The following BAHCC1 variants were observed in gnomAD, a reference collection of about 807,000 sequenced individuals.
The protein encoded by BAHCC1 is BAH domain and coiled-coil containing 1, also known as BAH and coiled-coil domain-containing protein 1.
Under a neutral mutation model 88.2 loss-of-function variants are expected in BAHCC1, and 43 were observed. The observed-to-expected ratio is 0.49, with a 90% CI of 0.38 to 0.63. The LOEUF is 0.63. Ranked by LOEUF, BAHCC1 falls within the 20% of genes least tolerant of loss-of-function variation. The pLI, the probability that BAHCC1 is intolerant of heterozygous loss-of-function variation, is 0.00. For missense variants in BAHCC1, 3,023 were observed against 1,654.8 expected (o/e 1.83, Z -14.34); for synonymous variants, 1,510 against 745.5 (o/e 2.03, Z -16.71).
At chr17:81,459,436 T>C (rs2030047488) in intron 22 of BAHCC1, 60 bp from the exon 23 acceptor site, 1 of 769,450 alleles carries the variant, frequency 1.3e-6, no homozygotes. Flanking sequence ...GGGACCAGAC[T>C]CTCAGGCAGC....
At chr17:81,408,528 G>A (rs2063909052) in intron 2 of BAHCC1, among the ~76,000 whole-genome samples, 1 of 152,032 alleles carries the variant, frequency 6.6e-6, no homozygotes, top group Non-Finnish European at 1.5e-5. Context: ...AATCCCCAGT[G>A]CCTGCCCCTG....
At chr17:81,417,140 G>C (rs966275437) in intron 2 of BAHCC1, among the ~76,000 whole-genome samples, 14 of 152,064 alleles carry the variant, frequency 9.2e-5, no homozygotes, top group African/African-American at 3.4e-4. Flanking sequence ...TGGATTCCTG[G>C]GCTGGGGTGT....
At chr17:81,451,343 A>G (rs1315338888) in intron 11 of BAHCC1, among the ~76,000 whole-genome samples, 7 of 152,156 alleles carry the variant, frequency 4.6e-5, no homozygotes, top group Non-Finnish European at 1.0e-4. Flanking sequence ...GGGGACACAC[A>G]GGCGTTTCTG....
At chr17:81,404,985 T>C (rs1266655391) in intron 2 of BAHCC1, among the ~76,000 whole-genome samples, 1 of 152,194 alleles carries the variant, frequency 6.6e-6, no homozygotes, top group African/African-American at 2.4e-5. Context: ...CCAGAACTAC[T>C]TGACCAGAAA....
Position 81,458,852 on chromosome 17 carries a change from G to A in BAHCC1, c.5488G>A (p.Ala1830Thr), listed in dbSNP as rs201942964. 1.8e-4 allele frequency: 137 copies of A among 770,520 alleles called. No homozygotes were observed. Among genetic ancestry groups the A allele is most frequent in the African/African-American group, 1.4e-3 (84 of 59,128 alleles). The allele number at this position is 770,520 out of a possible 1,614,324, so 47.7% of individuals were successfully genotyped here. The change falls in exon 20 of 28, where the codon GCC (alanine) becomes ACC (threonine). Residue 1830 changes from alanine (A) to threonine (T), a missense_variant. By Grantham distance (58) the Ala-to-Thr change is moderately conservative. Transcript: ENST00000675386. ...RAVSRLLESFAVEEDFEFDDN... is the reference protein window; with the variant it reads ...RAVSRLLESFTVEEDFEFDDN... ...CGTGAGCCGCCTGCTGGAAAGCTTC[G>A]CCGTGGAGGAAGACTTTGAGTTCGA... is the stretch of plus-strand genomic sequence containing the variant.
chr17:81,456,638 G>A (rs1555657389), intron 16 of BAHCC1, 53 bp downstream of exon 16: 15 of 662,188 alleles, frequency 2.3e-5, no homozygotes, highest in African/African-American at 3.7e-5. Context: ...ATGGTCGCTC[G>A]GGGGCTGGAG....
In BAHCC1 at chr17:81,443,836, C is replaced by G; in HGVS notation, c.2243C>G (p.Ala748Gly). 1.4e-6 allele frequency: 1 copy of G among 713,282 alleles called. No individual in the cohort carries two copies. Among genetic ancestry groups the G allele is most frequent in the Non-Finnish European group, 2.6e-6 (1 of 384,782 alleles). The allele number at this position is 713,282 out of a possible 1,614,324, so 44.2% of individuals were successfully genotyped here. Reference protein sequence around the residue: ...KGGGGPRSTHALDLEAEEERT... With the variant: ...KGGGGPRSTHGLDLEAEEERT... The stretch of plus-strand genomic sequence containing the variant: ...GGCGGTGGGCCCCGTTCCACACACG[C>G]GCTGGACCTGGAGGCTGAGGAGGAG... The change falls in exon 6 of 28, where the codon GCG (alanine) becomes GGG (glycine). Residue 748 changes from alanine (A) to glycine (G), a missense_variant. By Grantham distance (60) the Ala-to-Gly change is moderately conservative. Coordinates refer to ENST00000675386, the MANE Select transcript of BAHCC1 (RefSeq NM_001377448.1).
chr17:81,405,497 C>T (rs2063867087), intron 2 of BAHCC1, among the ~76,000 whole-genome samples: 1 of 152,152 alleles, frequency 6.6e-6, no homozygotes, highest in Non-Finnish European at 1.5e-5. Context: ...TTAACTCAAT[C>T]TGCCTCCCCC....
chr17:81,427,763 G>A (rs1304423137), intron 3 of BAHCC1, among the ~76,000 whole-genome samples: 1 of 152,156 alleles, frequency 6.6e-6, no homozygotes, highest in Admixed American at 6.5e-5. Context: ...AGAGGTAATT[G>A]CAGTTGGCAG....
intron 23 of BAHCC1, 149 bp downstream of exon 23, chr17:81,459,753 G>T (rs374267545): frequency 1.4e-4 from 51 of 357,284 alleles, no homozygotes; most frequent in African/African-American, 1.0e-3. Flanking sequence ...AGCTCCCCAG[G>T]CGCCATGAAA....
At chr17:81,402,914 T>C (rs2063834785) in intron 2 of BAHCC1, 1 of 152,242 alleles carries the variant, frequency 6.6e-6, no homozygotes, top group Admixed American at 6.5e-5. Context: ...GCCGCAGGTT[T>C]TATGGTAAAG....
intron 2 of BAHCC1, chr17:81,413,023 C>T (rs1555648052): frequency 3.0e-6 from 1 of 329,828 alleles, no homozygotes; most frequent in African/African-American, 2.2e-5. Context: ...TCACTTCCTC[C>T]ACATCCTCTT....
At position 81,449,316 on chromosome 17, in the gene BAHCC1, G is replaced by A. The variant is rs184025096; in HGVS notation, c.3976+1468G>A. On this transcript the variant is annotated intron_variant, in intron 11 of 27. Transcript: ENST00000675386. The stretch of plus-strand genomic sequence containing the variant: ...CTGCCCCTGCCCTCCCCTTGTCCCC[G>A]TTAATGGGCAGGTCTCTGCAGCTGC... Among the ~76,000 whole-genome samples the A allele has an allele frequency of 1.8e-3, 253 of 143,466 alleles. 6 individuals are homozygous for A. In the East Asian group the frequency reaches 0.044, roughly 25 times the overall value. 94.1% of individuals were successfully genotyped at this position (143,466 alleles called of 152,430 possible).
rs2064511059 is a variant in BAHCC1 at position 81,445,608 on chromosome 17, C to T, written c.3090C>T (p.Ser1030=). 1 of 729,404 alleles carries T rather than the reference C, an allele frequency of 1.4e-6. No homozygotes were observed. Among genetic ancestry groups the T allele is most frequent in the Non-Finnish European group, 2.5e-6 (1 of 392,532 alleles). The allele number at this position is 729,404 out of a possible 1,614,324, so 45.2% of individuals were successfully genotyped here. A position where few individuals can be genotyped will look rare whatever the true frequency, so the allele number is the denominator to read the frequency against. ...CTGCCAGCAGCCCCGGGCCTGGCTC[C>T]CGGGTGCGCAGCGCCGAGGAAAAGA... ...VCPASSPGPG[S]RVRSAEEKNG... Residue 1030 remains serine (S), a synonymous_variant, in exon 10 of 28, where the codon TCC becomes TCT. Transcript: ENST00000675386.
intron 2 of BAHCC1, chr17:81,422,845 G>A: frequency 2.6e-6 from 1 of 390,518 alleles, no homozygotes; most frequent in South Asian, 1.9e-5. Context: ...TGTGGGGGTG[G>A]GAAGGCCTGG....
At chr17:81,457,172 T>C (rs2064764993) in intron 16 of BAHCC1, among the ~76,000 whole-genome samples, 1 of 152,074 alleles carries the variant, frequency 6.6e-6, no homozygotes, top group African/African-American at 2.4e-5. Context: ...GGGTGCCCTA[T>C]TGCCCAGGGT....
At chr17:81,462,140 C>G (rs140388675) in intron 26 of BAHCC1, 94 bp downstream of exon 26, 294 of 620,208 alleles carry the variant, frequency 4.7e-4, no homozygotes, top group African/African-American at 4.3e-3. Flanking sequence ...CCTTTTTCAT[C>G]TTCCTACTTG....
chr17:81,442,016 G>A lies in BAHCC1; in HGVS notation c.667G>A (p.Glu223Lys), dbSNP rs1467808211. The A allele has an allele frequency of 8.2e-6, 6 of 731,898 alleles. No homozygotes were observed. The highest frequency in any genetic ancestry group is 5.7e-5 in the South Asian group (4 of 70,604). The allele number at this position is 731,898 out of a possible 1,614,324, so 45.3% of individuals were successfully genotyped here. A position where few individuals can be genotyped will look rare whatever the true frequency, so the allele number is the denominator to read the frequency against. ...KDFDRFLVGKELGREKAGKAA... is the reference protein window; with the variant it reads ...KDFDRFLVGKKLGREKAGKAA... ...CTTCGACCGCTTCCTCGTGGGCAAAGAGCTGGGCAGAGAGAAGGCGGGCAA... is the reference window on the plus strand; with the variant it reads ...CTTCGACCGCTTCCTCGTGGGCAAAAAGCTGGGCAGAGAGAAGGCGGGCAA... Residue 223 changes from glutamate (E) to lysine (K), a missense_variant, in exon 5 of 28, where the codon GAG (glutamate) becomes AAG (lysine). Physicochemically the swap from Glu to Lys is moderately conservative, Grantham distance 56. Transcript: ENST00000675386.
At position 81,451,868 on chromosome 17, in the gene BAHCC1, C is replaced by A; in HGVS notation, c.4177C>A (p.Pro1393Thr). The part of the protein sequence containing the change: ...RKDTWTPKTK[P>T]VCPLKAAIDR... ...GGACACCTGGACCCCCAAGACCAAGCCTGTGAGTGGAGGTCCCAGTGCCCA... is the reference window on the plus strand; with the variant it reads ...GGACACCTGGACCCCCAAGACCAAGACTGTGAGTGGAGGTCCCAGTGCCCA... Residue 1393 changes from proline to threonine, a missense_variant and splice_region_variant, in exon 12 of 28, where the codon CCT (proline) becomes ACT (threonine). Pro to Thr is a conservative substitution (Grantham distance 38). Coordinates refer to ENST00000675386, the MANE Select transcript of BAHCC1 (RefSeq NM_001377448.1). The A allele has an allele frequency of 2.7e-6, 2 of 734,596 alleles. No individual in the cohort carries two copies. The highest frequency in any genetic ancestry group is 5.0e-6 in the Non-Finnish European group (2 of 401,902). The allele number at this position is 734,596 out of a possible 1,614,324, so 45.5% of individuals were successfully genotyped here. A position where few individuals can be genotyped will look rare whatever the true frequency, so the allele number is the denominator to read the frequency against.
Sources: gnomAD v4.1 joint callset for allele counts (sites outside exome capture counted in the v4.1 genomes callset) on GRCh38, gnomAD v4.1.1 for gene constraint, MANE v1.5 for transcripts, NCBI Gene and HGNC (gene_info 2026-07-23, HGNC 2026-07-21) for gene names.